Variants in TENM2 observed in about 807,000 individuals in gnomAD.
TENM2 encodes the protein teneurin transmembrane protein 2, also known as teneurin-2.
Under a neutral mutation model 245.2 loss-of-function variants are expected in TENM2, and 52 were observed. The ratio of observed to expected loss-of-function variants is 0.21; its 90% confidence interval spans 0.17 to 0.27. The LOEUF (loss-of-function observed/expected upper bound fraction) is 0.27. Ranked by LOEUF, TENM2 falls within the 10% of genes least tolerant of loss-of-function variation. The probability of loss-of-function intolerance (pLI) is 1.00; values close to 1 mark genes in which losing one functional copy is unlikely to be tolerated. For synonymous variants in TENM2, 1,363 were observed against 1,438.9 expected, an observed-to-expected ratio of 0.95 and a Z score of 1.19; for missense variants, 3,046 against 3,666.8, an observed-to-expected ratio of 0.83 and a Z score of 4.37.
chr5:168,140,375 G>A (rs188035258), intron 12 of TENM2, among the ~76,000 whole-genome samples: 1 of 152,282 alleles, frequency 6.6e-6, no homozygotes, highest in African/African-American at 2.4e-5. Context: ...CAGCATTCAA[G>A]AAGCGTGGGC....
chr5:167,006,986 A>G, the TENM2 span, among the ~76,000 whole-genome samples: 1 of 152,162 alleles, frequency 6.6e-6, no homozygotes, highest in African/African-American at 2.4e-5. Context: ...TCCATCTTTT[A>G]GCCTCACATT....
chr5:167,564,267 G>C (rs1773764414), intron 2 of TENM2, among the ~76,000 whole-genome samples: 1 of 152,226 alleles, frequency 6.6e-6, no homozygotes, highest in Non-Finnish European at 1.5e-5. Context: ...CACCCAAACA[G>C]AGTGTGAAAG....
Position 168,200,004 on chromosome 5 carries a change from G to C in TENM2, c.3303G>C (p.Leu1101=), listed in dbSNP as rs1473210149. 10 of 1,613,894 alleles carry C rather than the reference G, an allele frequency of 6.2e-6. No homozygotes were observed. The East Asian group carries it at 2.2e-4, about 36-fold the overall frequency. The stretch of plus-strand genomic sequence containing the variant: ...CCCTGAACCTCATTAGGGTTCACCT[G>C]ATGGTGGCTGTCGAGGGGCATCTCT... The change falls in exon 17 of 29, where the codon CTG becomes CTC. Residue 1101 remains leucine, a synonymous_variant. Transcript: ENST00000518659.
At chr5:167,218,105 T>C in the TENM2 span, among the ~76,000 whole-genome samples, 1 of 152,178 alleles carries the variant, frequency 6.6e-6, no homozygotes, top group African/African-American at 2.4e-5. Flanking sequence ...CTGCCTCTAA[T>C]ACAACCTTGT....
At chr5:167,926,646 A>G (rs1421281947) in intron 3 of TENM2, among the ~76,000 whole-genome samples, 1 of 151,694 alleles carries the variant, frequency 6.6e-6, no homozygotes, top group Non-Finnish European at 1.5e-5. Flanking sequence ...GCTTGAACCC[A>G]GGAGGCAGAG....
chr5:167,571,433 A>G (rs942692288), intron 2 of TENM2, among the ~76,000 whole-genome samples: 1 of 152,202 alleles, frequency 6.6e-6, no homozygotes, highest in Non-Finnish European at 1.5e-5. Context: ...CCACAGAGAA[A>G]TAAGTCACAT....
chr5:167,293,368 A>AAT (rs764307053), intron 1 of TENM2, among the ~76,000 whole-genome samples: 62 of 130,538 alleles, frequency 4.7e-4, no homozygotes, highest in African/African-American at 1.8e-3. Flanking sequence ...TGTCCGGCTA[A>AAT]TTTTTTTTTT....
intron 2 of TENM2, among the ~76,000 whole-genome samples, chr5:167,430,531 G>A (rs1036037183): frequency 6.6e-5 from 10 of 152,108 alleles, no homozygotes; most frequent in African/African-American, 2.4e-4. Flanking sequence ...AGATGGCGGG[G>A]GGTCTGGTTT....
chr5:167,823,905 G>A (rs148282373), intron 2 of TENM2, among the ~76,000 whole-genome samples: 35 of 152,168 alleles, frequency 2.3e-4, no homozygotes, highest in Non-Finnish European at 3.7e-4. Flanking sequence ...TAGGTTGGAC[G>A]GCCTCTCCTA....
the TENM2 span, among the ~76,000 whole-genome samples, chr5:167,096,499 TTAAG>T: frequency 2.0e-5 from 3 of 152,204 alleles, no homozygotes; most frequent in Non-Finnish European, 2.9e-5. Flanking sequence ...CCAGGCTTTC[TTAAG>T]TATTTTATTT....
chr5:167,202,709 C>G, the TENM2 span, among the ~76,000 whole-genome samples: 1 of 152,074 alleles, frequency 6.6e-6, no homozygotes, highest in Non-Finnish European at 1.5e-5. Flanking sequence ...ATCCATTACC[C>G]CAAATCAGGA....
At chr5:167,061,841 TAC>T in the TENM2 span, among the ~76,000 whole-genome samples, 1 of 150,542 alleles carries the variant, frequency 6.6e-6, no homozygotes, top group South Asian at 2.1e-4. Context: ...AAAAACGTGT[TAC>T]AGTCAGGGGT....
At chr5:168,081,755 G>T (rs190438029) in intron 7 of TENM2, among the ~76,000 whole-genome samples, 5,137 of 152,202 alleles carry the variant, frequency 0.034, 258 homozygotes, top group African/African-American at 0.12. Context: ...GTTGAATATT[G>T]GCCCCCACTC....
At chr5:168,090,583 A>T (rs1651409833) in exon 8 of TENM2, 1 of 1,612,596 alleles carries the variant, frequency 6.2e-7, no homozygotes, top group African/African-American at 1.3e-5. Flanking sequence ...GTATGACTTC[A>T]TGGAACGTCT....
At chr5:167,353,560 T>C (rs1004739701) in intron 1 of TENM2, among the ~76,000 whole-genome samples, 1 of 120,500 alleles carries the variant, frequency 8.3e-6, no homozygotes, top group Non-Finnish European at 1.6e-5. Flanking sequence ...CAGGCTGGAG[T>C]GCAGTGGCGG....
At chr5:167,065,689 T>A in the TENM2 span, among the ~76,000 whole-genome samples, 1 of 152,230 alleles carries the variant, frequency 6.6e-6, no homozygotes, top group Non-Finnish European at 1.5e-5. Context: ...TAGGAATCAA[T>A]TCTGGCTATT....
intron 5 of TENM2, among the ~76,000 whole-genome samples, chr5:168,021,139 C>T (rs985940002): frequency 1.3e-5 from 2 of 152,192 alleles, no homozygotes; most frequent in African/African-American, 2.4e-5. Flanking sequence ...TAGATTTGTG[C>T]ATGACCTTGA....
At chr5:167,649,653 AAC>A (rs1754311146) in intron 2 of TENM2, among the ~76,000 whole-genome samples, 1 of 152,198 alleles carries the variant, frequency 6.6e-6, no homozygotes, top group Non-Finnish European at 1.5e-5. Flanking sequence ...TCCCTTGGAA[AAC>A]ACAGACAGGA....
the TENM2 span, among the ~76,000 whole-genome samples, chr5:167,062,172 C>T: frequency 1.3e-5 from 2 of 152,078 alleles, no homozygotes; most frequent in African/African-American, 4.8e-5. Context: ...GCCTTGAAAT[C>T]AAAACAGAAA....
Sources: allele counts gnomAD v4.1 joint callset (sites outside exome capture counted in the v4.1 genomes callset), GRCh38; gene constraint gnomAD v4.1.1; transcripts MANE v1.5; gene names NCBI Gene and HGNC (gene_info 2026-07-23, HGNC 2026-07-21).